The following ANK2 variants were observed in gnomAD, a reference collection of about 807,000 sequenced individuals.
ANK2 encodes ankyrin 2, also known as ankyrin-2.
ANK2 carries 83 observed loss-of-function variants against 360.5 expected under a neutral mutation model. The ratio of observed to expected loss-of-function variants is 0.23; its 90% CI spans 0.19 to 0.28. The LOEUF (loss-of-function observed/expected upper bound fraction) is 0.28, where lower values mean the gene tolerates loss of function less well. ANK2 is among the 10% of genes least tolerant of loss of function. The pLI is 1.00. For missense variants in ANK2, 4,201 were observed against 4,795.7 expected (o/e 0.88, Z 3.66); for synonymous variants, 1,740 against 1,759.5 (o/e 0.99, Z 0.28).
At position 113,258,092 on chromosome 4, in the gene ANK2, A is replaced by T. The variant is rs1383586240; in HGVS notation, c.1231A>T (p.Ile411Phe). Reference protein sequence around the residue: ...PLHIACKKNRIKVMELLVKYG... With the variant: ...PLHIACKKNRFKVMELLVKYG... ...GCACATTGCCTGCAAGAAAAACCGC[A>T]TCAAAGTCATGGAACTGCTGGTGAA... The change falls in exon 12 of 46, where the codon ATC becomes TTC. Residue 411 changes from isoleucine (I) to phenylalanine (F), a missense_variant. This residue lies in a region of ANK2 where 1,268 missense variants were observed against 1,650.8 expected (regional missense o/e 0.77). Transcript: ENST00000357077. 6.2e-7 allele frequency: 1 copy of T among 1,614,200 alleles called. No individual in the cohort carries two copies. Among genetic ancestry groups the T allele is most frequent in the Non-Finnish European group, 8.5e-7 (1 of 1,180,018 alleles).
At chr4:112,810,153 ATATATATTTTTTTTT>A in the ANK2 span, among the ~76,000 whole-genome samples, 33 of 23,512 alleles carry the variant, frequency 1.4e-3, no homozygotes, top group African/African-American at 5.6e-3. Context: ...ATATATATAT[ATATATATTTTTTTTT>A]TTTTTTTTTT....
Position 113,182,241 on chromosome 4 carries a change from T to C in ANK2, c.186+7724T>C, listed in dbSNP as rs529996680. On this transcript the variant is annotated intron_variant, in intron 2 of 45. Coordinates refer to ENST00000357077, the MANE Select transcript of ANK2 (RefSeq NM_001148.6). ...TTTTATTAACTGAGATGGGGAAGAC[T>C]GTGTGAGGAGCAGGTTTGAGGGAAT... Among the ~76,000 whole-genome samples, 10 of 152,250 alleles carry C rather than the reference T, an allele frequency of 6.6e-5. No individual in the cohort carries two copies. In the South Asian group the frequency reaches 2.1e-3, roughly 32 times the overall value.
the ANK2 span, among the ~76,000 whole-genome samples, chr4:112,782,995 C>T: frequency 2.4e-3 from 364 of 152,222 alleles, 1 homozygote; most frequent in Middle Eastern, 6.8e-3. Flanking sequence ...CCACAACCTC[C>T]ACCTCCCAAG....
the ANK2 span, among the ~76,000 whole-genome samples, chr4:112,711,856 T>G: frequency 6.7e-6 from 1 of 149,570 alleles, no homozygotes; most frequent in Non-Finnish European, 1.5e-5. Context: ...AAATAAAAAA[T>G]AAAATTAAAA....
intron 2 of ANK2, among the ~76,000 whole-genome samples, chr4:112,986,095 T>TGAACCTAGACC (rs200614973): frequency 0.24 from 35,837 of 148,446 alleles, 4,645 homozygotes; most frequent in East Asian, 0.42. Context: ...TAATCCAATA[T>TGAACCTAGACC]ATAGTATGTC....
At chr4:113,137,556 A>G (rs1198036918) in intron 1 of ANK2, among the ~76,000 whole-genome samples, 1 of 152,224 alleles carries the variant, frequency 6.6e-6, no homozygotes, top group African/African-American at 2.4e-5. Context: ...AATATTACTT[A>G]ATAATTGCTC....
chr4:113,201,033 T>C (rs2098822894), intron 4 of ANK2, among the ~76,000 whole-genome samples: 1 of 151,970 alleles, frequency 6.6e-6, no homozygotes, highest in Non-Finnish European at 1.5e-5. Flanking sequence ...ACTTAAAGTA[T>C]AATAATAATA....
intron 10 of ANK2, 86 bp downstream of exon 10, chr4:113,249,948 C>A: frequency 1.6e-6 from 2 of 1,232,682 alleles, no homozygotes; most frequent in Non-Finnish European, 2.3e-6. Flanking sequence ...ATTGAAACAT[C>A]AGGCAAGCAT....
At chr4:113,202,271 G>A (rs771790575) in intron 4 of ANK2, among the ~76,000 whole-genome samples, 1 of 152,080 alleles carries the variant, frequency 6.6e-6, no homozygotes, top group African/African-American at 2.4e-5. Flanking sequence ...GCTGATTTGA[G>A]TTCCTCCACA....
the ANK2 span, among the ~76,000 whole-genome samples, chr4:112,778,013 A>G: frequency 6.6e-6 from 1 of 151,018 alleles, no homozygotes; most frequent in African/African-American, 2.4e-5. Context: ...CTTGTCATGC[A>G]GGCTGGAGTG....
intron 1 of ANK2, among the ~76,000 whole-genome samples, chr4:112,860,265 C>A (rs756174376): frequency 6.6e-6 from 1 of 151,860 alleles, no homozygotes; most frequent in African/African-American, 2.4e-5. Flanking sequence ...CTTGCTCTGT[C>A]GCCCAGGCTG....
intron 2 of ANK2, 53 bp downstream of exon 2, chr4:113,174,570 A>G: frequency 7.7e-7 from 1 of 1,290,806 alleles, no homozygotes; most frequent in Admixed American, 1.8e-5. Flanking sequence ...CACTCATTAC[A>G]TTCTCAGAGC....
intron 32 of ANK2, 42 bp from the exon 33 acceptor site, chr4:113,341,646 A>G (rs771855087): frequency 4.4e-6 from 7 of 1,590,442 alleles, no homozygotes; most frequent in African/African-American, 1.3e-5. Context: ...TTCACATGGT[A>G]TACTTTGAAC....
rs149196220 is a variant in ANK2 at position 112,997,866 on chromosome 4, TACACAC to T, written c.21+93360_21+93365del. On this transcript the variant is annotated intron_variant, in intron 2 of 30. Coordinates refer to the ANK2 transcript ENST00000503271. Reference sequence around the variant, plus strand: ...ATATATATACACACACACATATATATACACACACACACATACACATACATTATAGAA... The same window carrying T: ...ATATATATACACACACACATATATATACACACATACACATACATTATAGAA... Among the ~76,000 whole-genome samples the T allele has an allele frequency of 2.7e-5, 4 of 150,722 alleles. No homozygotes were observed. The South Asian group carries it at 6.3e-4, about 24-fold the overall frequency.
In ANK2 at chr4:113,335,805, T is replaced by A. The variant is rs1241003354; in HGVS notation, c.3380-41T>A. ...TGGCTAGAATGCTGTTAGAAGGAAA[T>A]CTTTGCTATGTGAATGAAGGTGGGT... On this transcript the variant is annotated intron_variant, in intron 29 of 45. Coordinates refer to ENST00000357077, the MANE Select transcript of ANK2 (RefSeq NM_001148.6). 4 of 1,579,408 alleles carry A rather than the reference T, an allele frequency of 2.5e-6. No homozygotes were observed. In the Admixed American group the frequency reaches 5.0e-5, roughly 20 times the overall value.
chr4:113,047,808 G>A (rs1328031603), upstream of ANK2, among the ~76,000 whole-genome samples: 1 of 152,038 alleles, frequency 6.6e-6, no homozygotes, highest in African/African-American at 2.4e-5. Context: ...AGGGAGTGAG[G>A]GGCAGCAAAA....
the ANK2 span, among the ~76,000 whole-genome samples, chr4:112,712,068 A>T: frequency 6.7e-6 from 1 of 148,848 alleles, no homozygotes; most frequent in African/African-American, 2.4e-5. Flanking sequence ...ATATATATAT[A>T]TATTTATTTT....
intron 4 of ANK2, among the ~76,000 whole-genome samples, chr4:113,217,488 C>G (rs1190889215): frequency 6.6e-6 from 1 of 152,078 alleles, no homozygotes; most frequent in East Asian, 1.9e-4. Context: ...GCAGCGGTTG[C>G]CAAGGACCGA....
intron 1 of ANK2, among the ~76,000 whole-genome samples, chr4:113,060,467 T>C (rs748149569): frequency 5.3e-5 from 8 of 152,062 alleles, no homozygotes; most frequent in Non-Finnish European, 1.2e-4. Flanking sequence ...AAACCCTTCC[T>C]GCTTGAATCT....
Sources: gnomAD v4.1 joint callset for allele counts (sites outside exome capture counted in the v4.1 genomes callset) on GRCh38, gnomAD v4.1.1 for gene constraint, gnomAD v4.1.1 regional missense constraint, MANE v1.5 for transcripts, NCBI Gene and HGNC (gene_info 2026-07-23, HGNC 2026-07-21) for gene names.